Variants in ADAM12 observed in about 807,000 individuals in gnomAD.
The protein encoded by ADAM12 is ADAM metallopeptidase domain 12, also known as disintegrin and metalloproteinase domain-containing protein 12.
In ADAM12, 70 loss-of-function variants were observed where a neutral mutation model predicts 106.4. That is an observed-to-expected ratio of 0.66 (90% confidence interval 0.54 to 0.80). ADAM12 has a LOEUF of 0.80. Among genes scored for constraint, ADAM12 ranks in the 30% least tolerant of loss-of-function variants. The pLI is 0.00. For missense variants in ADAM12, 1,010 were observed against 1,171.9 expected (o/e 0.86, Z 2.02); for synonymous variants, 420 against 433.5 (o/e 0.97, Z 0.39).
intron 2 of ADAM12, among the ~76,000 whole-genome samples, chr10:126,310,787 A>G (rs72828735): frequency 0.051 from 7,753 of 152,318 alleles, 288 homozygotes; most frequent in East Asian, 0.12. Flanking sequence ...GTTGTAATGC[A>G]GAGTAGCACA....
At chr10:126,221,220 C>A (rs1958085517) in intron 3 of ADAM12, among the ~76,000 whole-genome samples, 1 of 152,044 alleles carries the variant, frequency 6.6e-6, no homozygotes, top group Non-Finnish European at 1.5e-5. Context: ...CCCGTCTCTA[C>A]TAAAAATACA....
chr10:126,233,884 G>A (rs1244137801), intron 3 of ADAM12, among the ~76,000 whole-genome samples: 1 of 152,130 alleles, frequency 6.6e-6, no homozygotes, highest in East Asian at 1.9e-4. Flanking sequence ...ATGATCCTTT[G>A]TATGCATAAT....
At chr10:126,178,706 G>A (rs1210968213) in intron 3 of ADAM12, among the ~76,000 whole-genome samples, 1 of 152,100 alleles carries the variant, frequency 6.6e-6, no homozygotes, top group Admixed American at 6.6e-5. Flanking sequence ...ACGAGCAAAT[G>A]TCTCCATTGC....
chr10:126,148,964 A>C (rs1057278867), intron 4 of ADAM12, among the ~76,000 whole-genome samples: 2 of 152,068 alleles, frequency 1.3e-5, no homozygotes, highest in Non-Finnish European at 1.5e-5. Flanking sequence ...CTCACCCACT[A>C]CTGACCTCAA....
rs2133369457 is a variant in ADAM12 at position 126,017,483 on chromosome 10, GA to G, written c.2661-145del. 5.6e-6 allele frequency: 4 copies of G among 716,324 alleles called. No homozygotes were observed. In the South Asian group the frequency reaches 1.1e-4, roughly 20 times the overall value. The allele number at this position is 716,324 out of a possible 1,614,324, so 44.4% of individuals were successfully genotyped here. ...CCACTGCCCCTCATAACGGGGGTGG[GA>G]AACCTGTCTCCAAAGCCGCACTTCC... On this transcript the variant is annotated intron_variant, in intron 22 of 22. Transcript: ENST00000448723.
intron 1 of ADAM12, among the ~76,000 whole-genome samples, chr10:126,335,301 A>T (rs1250486293): frequency 6.6e-6 from 1 of 152,250 alleles, no homozygotes; most frequent in Admixed American, 6.5e-5. Context: ...CTTGAAAGGG[A>T]AATCATTATC....
Position 126,101,183 on chromosome 10 carries a change from A to G in ADAM12, c.800T>C (p.Met267Thr), listed in dbSNP as rs1955659396. The change falls in exon 9 of 23, where the codon ATG becomes ACG. Residue 267 changes from methionine to threonine, a missense_variant. Met to Thr is a moderately conservative substitution (Grantham distance 81). Around this residue, in one of 3 missense-constraint regions of ADAM12, gnomAD observed 391 missense variants for 442.9 expected, o/e 0.88. Transcript: ENST00000448723. ...VLVGVEVWNDMDKCSVSQDPF... is the reference protein window; with the variant it reads ...VLVGVEVWNDTDKCSVSQDPF... ...GTCCTGACTTACAGAGCATTTGTCC[A>G]TGTCATTCCACACTTCCACGCCTAC... The G allele has an allele frequency of 6.2e-7, 1 of 1,614,158 alleles. No homozygotes were observed. The highest frequency in any genetic ancestry group is 8.5e-7 in the Non-Finnish European group (1 of 1,179,998).
At chr10:126,211,912 T>C (rs968220941) in intron 3 of ADAM12, among the ~76,000 whole-genome samples, 2 of 152,194 alleles carry the variant, frequency 1.3e-5, no homozygotes, top group African/African-American at 4.8e-5. Flanking sequence ...TTGAGTTGGG[T>C]TTTCTGTTAC....
chr10:126,175,995 T>C (rs1957213332), intron 3 of ADAM12, among the ~76,000 whole-genome samples: 1 of 152,226 alleles, frequency 6.6e-6, no homozygotes, highest in Non-Finnish European at 1.5e-5. Flanking sequence ...CAACATTGTG[T>C]GTGTGCTAGC....
intron 2 of ADAM12, among the ~76,000 whole-genome samples, chr10:126,307,259 T>C (rs1226567464): frequency 1.3e-5 from 2 of 152,244 alleles, no homozygotes; most frequent in Non-Finnish European, 2.9e-5. Context: ...TTTGCTGTTT[T>C]ACCACACCAA....
chr10:126,311,400 G>T (rs944448415), intron 2 of ADAM12, among the ~76,000 whole-genome samples: 37 of 152,180 alleles, frequency 2.4e-4, no homozygotes, highest in African/African-American at 8.4e-4. Flanking sequence ...CAGAGCAGAT[G>T]AGACCTTTGT....
At chr10:126,044,115 A>G (rs34278867) in intron 17 of ADAM12, among the ~76,000 whole-genome samples, 1,675 of 152,208 alleles carry the variant, frequency 0.011, 16 homozygotes, top group Non-Finnish European at 0.018. Context: ...AAGATGATAT[A>G]TATTTAATAT....
At chr10:126,046,541 A>G (rs922740531) in intron 16 of ADAM12, among the ~76,000 whole-genome samples, 5 of 151,860 alleles carry the variant, frequency 3.3e-5, no homozygotes, top group African/African-American at 4.8e-5. Flanking sequence ...ACGGTTGCTC[A>G]CTCCTGTAAT....
intron 1 of ADAM12, among the ~76,000 whole-genome samples, chr10:126,355,980 C>T (rs1008909562): frequency 6.6e-6 from 1 of 152,140 alleles, no homozygotes; most frequent in African/African-American, 2.4e-5. Context: ...TACTTGAAGG[C>T]TCCACCTGGG....
chr10:126,198,214 C>T (rs1459317563), intron 3 of ADAM12, among the ~76,000 whole-genome samples: 2 of 152,208 alleles, frequency 1.3e-5, no homozygotes, highest in East Asian at 1.9e-4. Flanking sequence ...GGTCAGTCAC[C>T]GTTGCAGACG....
At chr10:126,038,553 A>T (rs1384300280) in intron 19 of ADAM12, among the ~76,000 whole-genome samples, 1 of 152,206 alleles carries the variant, frequency 6.6e-6, no homozygotes, top group Non-Finnish European at 1.5e-5. Context: ...TATTTTGTCA[A>T]ATTAGTTCTC....
At chr10:126,350,473 A>T (rs73369031) in intron 1 of ADAM12, among the ~76,000 whole-genome samples, 6,167 of 152,272 alleles carry the variant, frequency 0.04, 426 homozygotes, top group African/African-American at 0.14. Context: ...CCCGGGACAG[A>T]GACAGCTGCC....
At chr10:126,129,643 C>T (rs1355885236) in intron 5 of ADAM12, among the ~76,000 whole-genome samples, 1 of 152,200 alleles carries the variant, frequency 6.6e-6, no homozygotes, top group African/African-American at 2.4e-5. Flanking sequence ...AAGCACTTCA[C>T]CGAAACCGTA....
chr10:126,324,569 C>T (rs568791904), intron 2 of ADAM12, among the ~76,000 whole-genome samples: 14 of 152,120 alleles, frequency 9.2e-5, no homozygotes, highest in Non-Finnish European at 1.9e-4. Context: ...GAGTACCCTA[C>T]CTCCTTTTGT....
Sources: allele counts gnomAD v4.1 joint callset (sites outside exome capture counted in the v4.1 genomes callset), GRCh38; gene constraint gnomAD v4.1.1; regional missense constraint gnomAD v4.1.1; transcripts MANE v1.5; gene names NCBI Gene and HGNC (gene_info 2026-07-23, HGNC 2026-07-21).